MAST4: variants seen among roughly 807,000 people sequenced by gnomAD.
MAST4 encodes microtubule associated serine/threonine kinase family member 4.
MAST4 carries 89 observed loss-of-function variants against 162.7 expected under a neutral mutation model. The ratio of observed to expected loss-of-function variants is 0.55; its 90% CI spans 0.46 to 0.65. The LOEUF is 0.65. Among genes scored for constraint, MAST4 ranks in the 30% least tolerant of loss-of-function variants. MAST4 has a pLI of 0.00. For synonymous variants in MAST4, 1,479 were observed against 1,361.1 expected (o/e 1.09, Z -1.91); for missense variants, 3,153 against 3,374.0 (o/e 0.93, Z 1.62).
chr5:66,937,810 A>C (rs1307017843), intron 4 of MAST4, among the ~76,000 whole-genome samples: 1 of 151,460 alleles, frequency 6.6e-6, no homozygotes, highest in Non-Finnish European at 1.5e-5. Context: ...TTTCTTCCAG[A>C]AACATTTTTT....
chr5:67,071,789 AC>A (rs1304060582), intron 5 of MAST4, among the ~76,000 whole-genome samples: 1 of 152,214 alleles, frequency 6.6e-6, no homozygotes. Flanking sequence ...ACAGAAGATG[AC>A]TGAAAAATTA....
At chr5:67,149,123 A>G (rs1237408639) in intron 23 of MAST4, among the ~76,000 whole-genome samples, 1 of 152,188 alleles carries the variant, frequency 6.6e-6, no homozygotes, top group Non-Finnish European at 1.5e-5. Flanking sequence ...CTCTGGTTAC[A>G]TGGAGTCATG....
chr5:66,905,554 T>C (rs991564629), intron 4 of MAST4, among the ~76,000 whole-genome samples: 1 of 152,190 alleles, frequency 6.6e-6, no homozygotes, highest in African/African-American at 2.4e-5. Context: ...AGTCAAACTC[T>C]GTAAAATATT....
intron 3 of MAST4, among the ~76,000 whole-genome samples, chr5:66,805,734 T>C (rs970233331): frequency 1.3e-5 from 2 of 152,198 alleles, no homozygotes; most frequent in East Asian, 3.9e-4. Flanking sequence ...TGTTGTTTCC[T>C]GGAGCAGAAC....
chr5:67,034,314 A>G (rs1301985317), intron 4 of MAST4, among the ~76,000 whole-genome samples: 1 of 152,108 alleles, frequency 6.6e-6, no homozygotes, highest in Non-Finnish European at 1.5e-5. Flanking sequence ...TGCAACCTAT[A>G]TGGAAAAGGC....
chr5:66,974,676 A>G (rs896412766), intron 4 of MAST4, among the ~76,000 whole-genome samples: 5 of 152,238 alleles, frequency 3.3e-5, no homozygotes, highest in African/African-American at 9.6e-5. Context: ...ACACTTGACT[A>G]TGTTAGAACT....
At position 67,080,473 on chromosome 5, in the gene MAST4, A is replaced by G. The variant is rs146449158; in HGVS notation, c.764-9689A>G. On this transcript the variant is annotated intron_variant, in intron 5 of 28. Transcript: ENST00000403625. ...TTGACATTTGTGCATACAGAATCTC[A>G]AGAGTTGTGTGTGGCTTAAAACAAG... 4.6e-5 allele frequency among the ~76,000 whole-genome samples: 7 copies of G among 152,282 alleles called. No individual in the cohort carries two copies. The Middle Eastern group carries it at 0.01, about 224-fold the overall frequency.
chr5:66,720,615 C>T (rs895447473), intron 1 of MAST4, among the ~76,000 whole-genome samples: 7 of 152,016 alleles, frequency 4.6e-5, no homozygotes, highest in East Asian at 1.9e-4. Context: ...TGATGAGCCT[C>T]GCAAGAGGTT....
intron 1 of MAST4, among the ~76,000 whole-genome samples, chr5:66,707,982 C>T (rs945597315): frequency 1.1e-4 from 17 of 152,176 alleles, no homozygotes; most frequent in African/African-American, 4.1e-4. Context: ...GTTTGAGTGC[C>T]TGTTTGTACC....
chr5:66,844,176 T>TGTGTGA (rs1758639046), intron 3 of MAST4, among the ~76,000 whole-genome samples: 1 of 142,830 alleles, frequency 7.0e-6, no homozygotes, highest in South Asian at 2.2e-4. Flanking sequence ...TGTGTGTGTG[T>TGTGTGA]GTGTGTGTGT....
At chr5:66,695,302 T>G (rs1435372949) in intron 1 of MAST4, among the ~76,000 whole-genome samples, 1 of 152,240 alleles carries the variant, frequency 6.6e-6, no homozygotes, top group Non-Finnish European at 1.5e-5. Context: ...TTTTGTCAGG[T>G]TTGCCGAAGA....
rs537916199 is a variant in MAST4 at position 66,996,260 on chromosome 5, C to T, written c.675-58144C>T. Among the ~76,000 whole-genome samples the T allele has an allele frequency of 2.7e-3, 416 of 151,716 alleles. 1 individual carries two copies. Among genetic ancestry groups the T allele is most frequent in the Admixed American group, 5.1e-3 (77 of 15,194 alleles). On this transcript the variant is annotated intron_variant, in intron 4 of 28. Coordinates refer to ENST00000403625, the MANE Select transcript of MAST4 (RefSeq NM_001164664.2). ...TGCCATTGCACTCCAGCCTGGGCAA[C>T]AAGAGTGAAACTCCATCTCAAAAAA... is the stretch of plus-strand genomic sequence containing the variant.
intron 1 of MAST4, among the ~76,000 whole-genome samples, chr5:66,700,800 TACACACACAC>T (rs10522165): frequency 1.1e-5 from 1 of 91,138 alleles, no homozygotes; most frequent in Non-Finnish European, 2.3e-5. Flanking sequence ...TATATATATA[TACACACACAC>T]ACACACACAC....
intron 26 of MAST4, among the ~76,000 whole-genome samples, chr5:67,158,605 A>G (rs890755805): frequency 3.3e-5 from 5 of 152,056 alleles, no homozygotes; most frequent in African/African-American, 1.2e-4. Context: ...AAATTAAAGA[A>G]CTCTAAAACT....
At chr5:67,046,199 CA>C (rs1241410223) in intron 4 of MAST4, among the ~76,000 whole-genome samples, 1 of 151,968 alleles carries the variant, frequency 6.6e-6, no homozygotes, top group African/African-American at 2.4e-5. Flanking sequence ...TGCATGAGGA[CA>C]AAATAGCCTA....
chr5:66,999,239 G>A (rs1410740305), intron 4 of MAST4, among the ~76,000 whole-genome samples: 1 of 152,182 alleles, frequency 6.6e-6, no homozygotes, highest in Non-Finnish European at 1.5e-5. Context: ...ACTCTGTTGG[G>A]ACTAAGCTAT....
At chr5:66,897,609 C>A (rs551136596) in intron 3 of MAST4, among the ~76,000 whole-genome samples, 1 of 152,232 alleles carries the variant, frequency 6.6e-6, no homozygotes, top group Non-Finnish European at 1.5e-5. Flanking sequence ...AGTTTCCAGT[C>A]CTGAGCCTGA....
chr5:66,767,726 A>G (rs1415711736), intron 2 of MAST4, among the ~76,000 whole-genome samples: 6 of 152,154 alleles, frequency 3.9e-5, no homozygotes, highest in African/African-American at 1.2e-4. Context: ...CCGAGTCCCA[A>G]AAGTGGAGAA....
chr5:66,758,886 A>G (rs574631597), intron 1 of MAST4, among the ~76,000 whole-genome samples: 1 of 152,286 alleles, frequency 6.6e-6, no homozygotes, highest in Non-Finnish European at 1.5e-5. Context: ...GTAGGTGTAT[A>G]TGAAAATTTT....
Sources: allele counts gnomAD v4.1 joint callset (sites outside exome capture counted in the v4.1 genomes callset), GRCh38; gene constraint gnomAD v4.1.1; transcripts MANE v1.5; gene names NCBI Gene and HGNC (gene_info 2026-07-23, HGNC 2026-07-21).